RUNDC3B: variants seen among roughly 807,000 people sequenced by gnomAD.
The protein encoded by RUNDC3B is RUN domain containing 3B.
In RUNDC3B, 33 loss-of-function variants were observed where a neutral mutation model predicts 58.4. The observed-to-expected ratio is 0.56, with a 90% confidence interval of 0.43 to 0.75. RUNDC3B has a LOEUF of 0.75. Ranked by LOEUF, RUNDC3B falls within the 30% of genes least tolerant of loss-of-function variation. The pLI is 0.00. For missense variants in RUNDC3B, 501 were observed against 535.7 expected (o/e 0.94, Z 0.64); for synonymous variants, 193 against 195.2 (o/e 0.99, Z 0.10).
chr7:87,741,915 G>T (rs10258021), intron 6 of RUNDC3B, among the ~76,000 whole-genome samples: 7,355 of 152,028 alleles, frequency 0.048, 260 homozygotes, highest in East Asian at 0.092. Flanking sequence ...TATTTAGATT[G>T]TTTTCCATTT....
Position 87,770,613 on chromosome 7 carries a change from T to C in RUNDC3B, c.662T>C (p.Leu221Pro). The change falls in exon 7 of 11, where the codon CTA (leucine) becomes CCA (proline). Residue 221 changes from leucine to proline, a missense_variant. Coordinates refer to ENST00000394654, the MANE Select transcript of RUNDC3B (RefSeq NM_001134405.2). ...AGTATCAGCAGTGATGAGGAGGAGC[T>C]AAGGACTTTGGGAAGCAGTGGTAGC... ...SDSISSDEEE[L>P]RTLGSSGSES... 6.2e-7 allele frequency: 1 copy of C among 1,613,796 alleles called. No homozygotes were observed.
At chr7:87,786,859 T>C (rs569619424) in intron 8 of RUNDC3B, among the ~76,000 whole-genome samples, 1 of 152,266 alleles carries the variant, frequency 6.6e-6, no homozygotes, top group African/African-American at 2.4e-5. Context: ...AGGAGTGCCA[T>C]TGATCCTCTT....
At chr7:87,809,073 T>G (rs1483127885) in intron 9 of RUNDC3B, among the ~76,000 whole-genome samples, 3 of 152,152 alleles carry the variant, frequency 2.0e-5, no homozygotes, top group African/African-American at 7.2e-5. Flanking sequence ...AAGTCTAAAG[T>G]GGAAGATTTA....
At chr7:87,700,899 C>G (rs546043275) in intron 3 of RUNDC3B, among the ~76,000 whole-genome samples, 2 of 152,188 alleles carry the variant, frequency 1.3e-5, no homozygotes, top group Non-Finnish European at 2.9e-5. Flanking sequence ...AACCTTAGCA[C>G]GAATTAATGC....
chr7:87,684,963 T>C (rs958211850), intron 2 of RUNDC3B, among the ~76,000 whole-genome samples: 1 of 152,106 alleles, frequency 6.6e-6, no homozygotes, highest in Non-Finnish European at 1.5e-5. Context: ...AGGTGGGTTA[T>C]AGGTGTAAAC....
chr7:87,828,904 A>C (rs935899735), intron 10 of RUNDC3B, among the ~76,000 whole-genome samples: 1 of 152,236 alleles, frequency 6.6e-6, no homozygotes, highest in Non-Finnish European at 1.5e-5. Flanking sequence ...AGCAACCCTT[A>C]TATCATGTCA....
chr7:87,796,630 C>T (rs928007726), intron 8 of RUNDC3B, among the ~76,000 whole-genome samples: 1 of 152,024 alleles, frequency 6.6e-6, no homozygotes, highest in African/African-American at 2.4e-5. Flanking sequence ...TTCTGGAGGC[C>T]AGAAGGCAGT....
At chr7:87,733,789 A>G (rs1456190739) in intron 4 of RUNDC3B, among the ~76,000 whole-genome samples, 6 of 152,102 alleles carry the variant, frequency 3.9e-5, no homozygotes, top group Admixed American at 2.0e-4. Flanking sequence ...AAGGAGTCGG[A>G]GCTTAGGTGA....
chr7:87,703,072 C>T (rs957825407), intron 3 of RUNDC3B, among the ~76,000 whole-genome samples: 2 of 151,888 alleles, frequency 1.3e-5, no homozygotes, highest in African/African-American at 4.8e-5. Context: ...CAGAATGAAA[C>T]ATTAAGTAGA....
At chr7:87,643,132 C>T (rs1054208307) in intron 1 of RUNDC3B, among the ~76,000 whole-genome samples, 2 of 152,162 alleles carry the variant, frequency 1.3e-5, no homozygotes, top group African/African-American at 4.8e-5. Context: ...TGCTCAAACT[C>T]CTGACCTCAA....
Position 87,767,730 on chromosome 7 carries a change from C to T in RUNDC3B, c.630-2851C>T, listed in dbSNP as rs78521968. Among the ~76,000 whole-genome samples the T allele has an allele frequency of 3.0e-3, 462 of 152,138 alleles. 1 individual carries two copies. Among genetic ancestry groups the T allele is most frequent in the African/African-American group, 0.01 (431 of 41,510 alleles). ...TGGTAGCACCAGCCCCAACATATGG[C>T]GGGGGTAGTTCATGATAGGATGCAC... On this transcript the variant is annotated intron_variant, in intron 6 of 10. Transcript: ENST00000394654.
At chr7:87,644,940 A>C (rs1822832487) in intron 1 of RUNDC3B, among the ~76,000 whole-genome samples, 2 of 152,068 alleles carry the variant, frequency 1.3e-5, no homozygotes, top group African/African-American at 4.8e-5. Flanking sequence ...CTATGGAAGG[A>C]ATTAATGTAA....
intron 2 of RUNDC3B, among the ~76,000 whole-genome samples, chr7:87,683,890 C>T (rs983840969): frequency 5.9e-5 from 9 of 152,022 alleles, no homozygotes; most frequent in African/African-American, 2.2e-4. Context: ...TACATTAAAA[C>T]AAGAAATGAC....
intron 7 of RUNDC3B, among the ~76,000 whole-genome samples, chr7:87,773,043 GC>G (rs1341296232): frequency 6.6e-6 from 1 of 151,046 alleles, no homozygotes; most frequent in Non-Finnish European, 1.5e-5. Flanking sequence ...GCATTCACCA[GC>G]CGGGCCTGGC....
chr7:87,795,761 C>G (rs1002559659), intron 8 of RUNDC3B, among the ~76,000 whole-genome samples: 8 of 150,750 alleles, frequency 5.3e-5, no homozygotes, highest in African/African-American at 2.0e-4. Flanking sequence ...TGGTGGCGGA[C>G]GCCTGTAGTC....
chr7:87,670,509 T>G (rs1042180072), intron 2 of RUNDC3B, among the ~76,000 whole-genome samples: 8 of 152,206 alleles, frequency 5.3e-5, no homozygotes, highest in African/African-American at 1.9e-4. Flanking sequence ...AAACTCTTGT[T>G]GGGGAATGGG....
intron 4 of RUNDC3B, among the ~76,000 whole-genome samples, chr7:87,721,528 C>G (rs1004116300): frequency 2.0e-5 from 3 of 152,078 alleles, no homozygotes; most frequent in African/African-American, 7.2e-5. Context: ...TATGATCACC[C>G]TGAAATGGCT....
chr7:87,639,852 CTT>C (rs1822243775), intron 1 of RUNDC3B, among the ~76,000 whole-genome samples: 1 of 151,754 alleles, frequency 6.6e-6, no homozygotes, highest in Admixed American at 6.6e-5. Flanking sequence ...TAATCTTAGT[CTT>C]TTAATTATTT....
At chr7:87,752,199 C>A (rs561487776) in intron 6 of RUNDC3B, among the ~76,000 whole-genome samples, 78 of 152,292 alleles carry the variant, frequency 5.1e-4, no homozygotes, top group African/African-American at 1.9e-3. Context: ...GTATATGGAA[C>A]CAGCCTTGCA....
Sources: allele counts gnomAD v4.1 joint callset (sites outside exome capture counted in the v4.1 genomes callset), GRCh38; gene constraint gnomAD v4.1.1; transcripts MANE v1.5; gene names NCBI Gene and HGNC (gene_info 2026-07-23, HGNC 2026-07-21).